TMEM132D: variants seen among roughly 807,000 people sequenced by gnomAD.
TMEM132D encodes the protein transmembrane protein 132D.
Under a neutral mutation model 62.3 loss-of-function variants are expected in TMEM132D, and 21 were observed. The observed-to-expected ratio is 0.34, with a 90% CI of 0.24 to 0.49. The LOEUF (loss-of-function observed/expected upper bound fraction) is 0.49. Among genes scored for constraint, TMEM132D ranks in the 20% least tolerant of loss-of-function variants. The pLI, the probability that TMEM132D is intolerant of heterozygous loss-of-function variation, is 0.99. For synonymous variants in TMEM132D, 621 were observed against 575.6 expected, an observed-to-expected ratio of 1.08 and a Z score of -1.13; for missense variants, 1,346 against 1,402.8, an observed-to-expected ratio of 0.96 and a Z score of 0.65.
intron 2 of TMEM132D, among the ~76,000 whole-genome samples, chr12:129,677,826 T>TTTC (rs111590153): frequency 0.2 from 25,813 of 126,712 alleles, 2,483 homozygotes; most frequent in East Asian, 0.44. Context: ...TTCTAGTGAT[T>TTTC]TTGTCTTTTT....
At chr12:129,844,969 T>C (rs375367001) in intron 1 of TMEM132D, among the ~76,000 whole-genome samples, 2 of 152,330 alleles carry the variant, frequency 1.3e-5, no homozygotes, top group East Asian at 3.9e-4. Context: ...CTGACATTTC[T>C]ACTTCCTTTA....
intron 5 of TMEM132D, among the ~76,000 whole-genome samples, chr12:129,153,947 G>T (rs1052328772): frequency 6.6e-6 from 1 of 152,202 alleles, no homozygotes; most frequent in African/African-American, 2.4e-5. Context: ...ACACAGCGTG[G>T]CTGAGGCTTT....
At chr12:129,177,414 G>C (rs1210156045) in intron 5 of TMEM132D, among the ~76,000 whole-genome samples, 1 of 152,206 alleles carries the variant, frequency 6.6e-6, no homozygotes, top group South Asian at 2.1e-4. Flanking sequence ...AAGTGATAAT[G>C]ATAGGGAAAA....
chr12:129,093,074 T>A (rs1874983644), intron 5 of TMEM132D, among the ~76,000 whole-genome samples: 1 of 152,216 alleles, frequency 6.6e-6, no homozygotes, highest in Non-Finnish European at 1.5e-5. Context: ...CAGTTCCAAA[T>A]GGATGCCATG....
At chr12:129,784,451 A>C (rs922705247) in intron 1 of TMEM132D, among the ~76,000 whole-genome samples, 1 of 152,090 alleles carries the variant, frequency 6.6e-6, no homozygotes, top group African/African-American at 2.4e-5. Flanking sequence ...TTTATTTTTA[A>C]TGTTTTTCAG....
At chr12:129,438,259 T>C (rs556733803) in intron 3 of TMEM132D, among the ~76,000 whole-genome samples, 28 of 152,310 alleles carry the variant, frequency 1.8e-4, no homozygotes, top group Non-Finnish European at 1.5e-4. Context: ...ATATACCCAG[T>C]AATGGGATTG....
chr12:129,447,964 C>T (rs1873156930), intron 3 of TMEM132D, among the ~76,000 whole-genome samples: 1 of 152,104 alleles, frequency 6.6e-6, no homozygotes, highest in African/African-American at 2.4e-5. Flanking sequence ...AGAATTATGT[C>T]TTATTTATCT....
chr12:129,113,442 C>T (rs1014145450), intron 5 of TMEM132D: 1 of 152,148 alleles, frequency 6.6e-6, no homozygotes, highest in Non-Finnish European at 1.5e-5. Context: ...AACTATGAGC[C>T]AGGATTACAT....
chr12:129,315,648 G>A (rs1369195681), intron 4 of TMEM132D, among the ~76,000 whole-genome samples: 1 of 152,114 alleles, frequency 6.6e-6, no homozygotes, highest in Admixed American at 6.5e-5. Context: ...TTAGGGTGAT[G>A]CTGGCTACAT....
At chr12:129,608,999 G>A (rs1331149331) in intron 2 of TMEM132D, among the ~76,000 whole-genome samples, 1 of 149,354 alleles carries the variant, frequency 6.7e-6, no homozygotes, top group Non-Finnish European at 1.5e-5. Context: ...GGAGTGTAGT[G>A]GCGTGATCTT....
At chr12:129,314,989 A>G (rs1233284254) in intron 4 of TMEM132D, among the ~76,000 whole-genome samples, 1 of 152,126 alleles carries the variant, frequency 6.6e-6, no homozygotes, top group African/African-American at 2.4e-5. Context: ...TGTGTACATT[A>G]ATCTTGTATC....
chr12:129,888,542 A>G (rs1443229965), intron 1 of TMEM132D, among the ~76,000 whole-genome samples: 1 of 152,156 alleles, frequency 6.6e-6, no homozygotes, highest in Non-Finnish European at 1.5e-5. Context: ...TACTAAAAAT[A>G]CAATAAAAAA....
chr12:129,298,693 C>G (rs1227997674), intron 4 of TMEM132D, among the ~76,000 whole-genome samples: 1 of 152,106 alleles, frequency 6.6e-6, no homozygotes, highest in African/African-American at 2.4e-5. Flanking sequence ...CTCTTTTTAT[C>G]TTAATTTTAG....
chr12:129,177,651 G>A (rs1877942390), intron 5 of TMEM132D, among the ~76,000 whole-genome samples: 1 of 152,162 alleles, frequency 6.6e-6, no homozygotes, highest in Non-Finnish European at 1.5e-5. Flanking sequence ...CCAGCTACTT[G>A]GGAGGCTGAG....
intron 3 of TMEM132D, among the ~76,000 whole-genome samples, chr12:129,521,074 T>C (rs1593048949): frequency 6.6e-6 from 1 of 152,360 alleles, no homozygotes; most frequent in Non-Finnish European, 1.5e-5. Context: ...TCCCAGTTGA[T>C]GTCTCTTGTA....
chr12:129,817,355 G>A (rs190017757), intron 1 of TMEM132D, among the ~76,000 whole-genome samples: 2 of 152,272 alleles, frequency 1.3e-5, no homozygotes, highest in African/African-American at 2.4e-5. Flanking sequence ...AGCCTTCACC[G>A]TGAACACACA....
intron 4 of TMEM132D, among the ~76,000 whole-genome samples, chr12:129,290,009 G>T (rs1438915009): frequency 6.6e-6 from 1 of 152,158 alleles, no homozygotes; most frequent in Admixed American, 6.5e-5. Flanking sequence ...ATTTGAATGG[G>T]TCTGTATTTA....
At chr12:129,119,242 GATATAC>G (rs1875988255) in intron 5 of TMEM132D, among the ~76,000 whole-genome samples, 1 of 152,196 alleles carries the variant, frequency 6.6e-6, no homozygotes, top group Non-Finnish European at 1.5e-5. Flanking sequence ...AGTACACGTA[GATATAC>G]TGTGTAGTGC....
chr12:129,722,741 T>C (rs1289802175), intron 1 of TMEM132D, among the ~76,000 whole-genome samples: 1 of 25,560 alleles, frequency 3.9e-5, no homozygotes, highest in Middle Eastern at 0.038. Context: ...TTTCTTTTTT[T>C]CTTTTTTTTT....
Sources: allele counts gnomAD v4.1 joint callset (sites outside exome capture counted in the v4.1 genomes callset), GRCh38; gene constraint gnomAD v4.1.1; transcripts MANE v1.5; gene names NCBI Gene and HGNC (gene_info 2026-07-23, HGNC 2026-07-21).